SOX5: variants seen among roughly 807,000 people sequenced by gnomAD.
SOX5 encodes transcription factor SOX-5.
In SOX5, 9 loss-of-function variants were observed where a neutral mutation model predicts 92.0. The ratio of observed to expected loss-of-function variants is 0.10; its 90% CI spans 0.06 to 0.17. SOX5 has a LOEUF of 0.17. Among genes scored for constraint, SOX5 ranks in the 10% least tolerant of loss-of-function variants. The probability of loss-of-function intolerance (pLI) is 1.00; values close to 1 mark genes in which losing one functional copy is unlikely to be tolerated. For missense variants in SOX5, 642 were observed against 944.5 expected (o/e 0.68, Z 4.20); for synonymous variants, 344 against 336.3 (o/e 1.02, Z -0.25).
chr12:24,365,292 C>T (rs1052500610), intron 2 of SOX5, among the ~76,000 whole-genome samples: 1 of 152,066 alleles, frequency 6.6e-6, no homozygotes, highest in Admixed American at 6.5e-5. Flanking sequence ...AGTGAAGCAA[C>T]TTAAAACTCC....
chr12:23,568,324 T>C (rs549558383), intron 10 of SOX5, among the ~76,000 whole-genome samples: 148 of 152,172 alleles, frequency 9.7e-4, no homozygotes, highest in Non-Finnish European at 1.7e-3. Flanking sequence ...TTCAGATTTC[T>C]AGGCCCTGAA....
chr12:24,190,317 A>G (rs909817412), intron 4 of SOX5, among the ~76,000 whole-genome samples: 5 of 152,232 alleles, frequency 3.3e-5, no homozygotes, highest in Admixed American at 3.3e-4. Flanking sequence ...ATATGTTTAA[A>G]GATGGAGGGA....
chr12:23,791,620 T>C (rs891324116), intron 3 of SOX5, among the ~76,000 whole-genome samples: 1 of 152,134 alleles, frequency 6.6e-6, no homozygotes, highest in South Asian at 2.1e-4. Context: ...TGTGAAGGTA[T>C]ATCACATACT....
chr12:24,095,463 A>ATTT (rs200032999), intron 4 of SOX5, among the ~76,000 whole-genome samples: 10 of 145,082 alleles, frequency 6.9e-5, no homozygotes, highest in African/African-American at 2.3e-4. Context: ...TTATTTATTT[A>ATTT]ATTTTATTCT....
chr12:24,159,921 A>AT (rs891736683), intron 4 of SOX5, among the ~76,000 whole-genome samples: 7 of 152,062 alleles, frequency 4.6e-5, no homozygotes, highest in African/African-American at 1.7e-4. Context: ...CGGGAAAAAT[A>AT]TTTTTAACCA....
At chr12:24,469,290 C>G (rs1424354333) in intron 1 of SOX5, among the ~76,000 whole-genome samples, 2 of 152,136 alleles carry the variant, frequency 1.3e-5, no homozygotes, top group Admixed American at 6.5e-5. Context: ...TGGGGAGCGG[C>G]TTGCTCACCC....
At chr12:23,808,890 T>C (rs921523622) in intron 3 of SOX5, among the ~76,000 whole-genome samples, 1 of 152,176 alleles carries the variant, frequency 6.6e-6, no homozygotes, top group Non-Finnish European at 1.5e-5. Flanking sequence ...TTTGAGAATA[T>C]CTTAATATTG....
chr12:23,583,597 G>A (rs188982462), intron 9 of SOX5, among the ~76,000 whole-genome samples: 26 of 152,136 alleles, frequency 1.7e-4, no homozygotes, highest in Admixed American at 1.6e-3. Flanking sequence ...CATTACGGCT[G>A]GATGATTGCT....
intron 1 of SOX5, among the ~76,000 whole-genome samples, chr12:23,926,464 T>C (rs1654603774): frequency 6.6e-6 from 1 of 152,106 alleles, no homozygotes; most frequent in East Asian, 1.9e-4. Context: ...ATATTTTTAA[T>C]CAATGTTCCT....
chr12:24,283,630 T>C (rs75557934), intron 2 of SOX5, among the ~76,000 whole-genome samples: 1 of 152,162 alleles, frequency 6.6e-6, no homozygotes, highest in East Asian at 1.9e-4. Context: ...ACAAAATCAG[T>C]ATAAAGATGC....
At chr12:24,076,560 T>C (rs1285809724) in intron 4 of SOX5, among the ~76,000 whole-genome samples, 1 of 152,206 alleles carries the variant, frequency 6.6e-6, no homozygotes, top group Non-Finnish European at 1.5e-5. Flanking sequence ...AACTCTCCTA[T>C]GTCACTTGCC....
At chr12:23,845,946 A>C in intron 3 of SOX5, 37 bp downstream of exon 3, 1 of 1,472,382 alleles carries the variant, frequency 6.8e-7, no homozygotes, top group Non-Finnish European at 9.5e-7. Context: ...TAAAATCAGG[A>C]CACAGCATCA....
intron 4 of SOX5, among the ~76,000 whole-genome samples, chr12:23,970,841 A>ATATATATTTTTTTTTT: frequency 9.1e-5 from 2 of 21,884 alleles, no homozygotes; most frequent in Non-Finnish European, 1.0e-4. Context: ...TATATATATA[A>ATATATATTTTTTTTTT]TTTTTTTTTT....
chr12:23,876,133 G>A (rs1019231102), intron 2 of SOX5, among the ~76,000 whole-genome samples: 1 of 152,052 alleles, frequency 6.6e-6, no homozygotes, highest in African/African-American at 2.4e-5. Context: ...TTTAGGCATG[G>A]TCTATTAAAA....
intron 2 of SOX5, among the ~76,000 whole-genome samples, chr12:24,301,745 G>C (rs112965205): frequency 1.2e-4 from 19 of 152,222 alleles, no homozygotes; most frequent in African/African-American, 4.3e-4. Flanking sequence ...GTACTGTCCT[G>C]GGTGGAGGAT....
At position 24,130,443 on chromosome 12, in the gene SOX5, T is replaced by C. The variant is rs576971572; in HGVS notation, c.-2+82900A>G. The stretch of plus-strand genomic sequence containing the variant: ...TATAAAATCATGTTCTGTGTGGATC[T>C]CACATAAATCTAATCCTGCTCAAAT... On this transcript the variant is annotated intron_variant, in intron 4 of 4. Transcript: ENST00000446891. Among the ~76,000 whole-genome samples, 3 of 152,296 alleles carry C rather than the reference T, an allele frequency of 2.0e-5. No individual in the cohort carries two copies. In the East Asian group the frequency reaches 5.8e-4, roughly 29 times the overall value.
At chr12:24,551,355 G>T (rs371546542) in intron 1 of SOX5, among the ~76,000 whole-genome samples, 4 of 134,138 alleles carry the variant, frequency 3.0e-5, no homozygotes, top group Non-Finnish European at 4.9e-5. Flanking sequence ...CAGACAATCA[G>T]ATGTAGACCT....
chr12:23,680,396 T>C (rs747559629), intron 6 of SOX5, among the ~76,000 whole-genome samples: 4 of 150,106 alleles, frequency 2.7e-5, no homozygotes, highest in Non-Finnish European at 5.9e-5. Flanking sequence ...GACAGCAAGT[T>C]AGACGTGATG....
At chr12:23,661,775 G>A (rs1361139330) in intron 7 of SOX5, among the ~76,000 whole-genome samples, 1 of 152,132 alleles carries the variant, frequency 6.6e-6, no homozygotes, top group Non-Finnish European at 1.5e-5. Flanking sequence ...CATCCACTGT[G>A]TACTTGAACC....
Sources: allele counts gnomAD v4.1 joint callset (sites outside exome capture counted in the v4.1 genomes callset), GRCh38; gene constraint gnomAD v4.1.1; transcripts MANE v1.5; gene names NCBI Gene and HGNC (gene_info 2026-07-23, HGNC 2026-07-21).